Variants in SLCO5A1 observed in about 807,000 individuals in gnomAD.
SLCO5A1 encodes solute carrier organic anion transporter family member 5A1.
A neutral mutation model predicts 65.1 loss-of-function variants in SLCO5A1; 39 were observed. The ratio of observed to expected loss-of-function variants is 0.60; its 90% confidence interval spans 0.46 to 0.78. The LOEUF is 0.78. SLCO5A1 is among the 30% of genes least tolerant of loss of function. SLCO5A1 has a pLI of 0.00. For synonymous variants in SLCO5A1, 438 were observed against 415.7 expected (o/e 1.05, Z -0.65); for missense variants, 1,029 against 1,069.4 (o/e 0.96, Z 0.53).
intron 6 of SLCO5A1, among the ~76,000 whole-genome samples, chr8:69,682,930 T>C (rs1813845138): frequency 6.6e-6 from 1 of 152,180 alleles, no homozygotes. Flanking sequence ...ACATTGCTAG[T>C]TTGATTTAAA....
intron 2 of SLCO5A1, among the ~76,000 whole-genome samples, chr8:69,825,418 A>C (rs1820834056): frequency 6.6e-6 from 1 of 152,218 alleles, no homozygotes; most frequent in Non-Finnish European, 1.5e-5. Context: ...GCTGATAAGT[A>C]ACTTCAGCAA....
chr8:69,709,347 A>T (rs543352634), intron 5 of SLCO5A1, among the ~76,000 whole-genome samples: 1 of 152,306 alleles, frequency 6.6e-6, no homozygotes, highest in African/African-American at 2.4e-5. Flanking sequence ...GATCCTTGAG[A>T]AGTCAGGATA....
intron 6 of SLCO5A1, among the ~76,000 whole-genome samples, chr8:69,684,812 C>A (rs573652902): frequency 6.6e-6 from 1 of 152,076 alleles, no homozygotes; most frequent in East Asian, 1.9e-4. Context: ...CTCCTCCTAG[C>A]TGAGACCCAA....
intron 2 of SLCO5A1, among the ~76,000 whole-genome samples, chr8:69,791,983 G>T (rs1819290233): frequency 1.3e-5 from 2 of 152,256 alleles, no homozygotes; most frequent in Non-Finnish European, 1.5e-5. Flanking sequence ...TAAATAAAAT[G>T]AAGTATTTTT....
intron 2 of SLCO5A1, among the ~76,000 whole-genome samples, chr8:69,820,165 G>T (rs991158657): frequency 6.6e-6 from 1 of 152,162 alleles, no homozygotes; most frequent in African/African-American, 2.4e-5. Context: ...AGGTGACTCC[G>T]TTTGGCCAAT....
intron 5 of SLCO5A1, among the ~76,000 whole-genome samples, chr8:69,721,543 A>G (rs948476069): frequency 6.6e-6 from 1 of 152,218 alleles, no homozygotes; most frequent in African/African-American, 2.4e-5. Context: ...TTCTAGATTT[A>G]TATGAGGCTA....
intron 2 of SLCO5A1, among the ~76,000 whole-genome samples, chr8:69,827,292 T>G (rs1040940680): frequency 6.6e-6 from 1 of 152,082 alleles, no homozygotes; most frequent in African/African-American, 2.4e-5. Context: ...AAACTTAAAG[T>G]ATAATAATAT....
In SLCO5A1 at chr8:69,832,267, A is replaced by C. The variant is rs749953748; in HGVS notation, c.407T>G (p.Phe136Cys). Reference sequence around the variant, plus strand: ...CATTAACGCCTGGATGAAGGTCAGAAAGCACATGCACACCAGGAAGCAACG... The same window carrying C: ...CATTAACGCCTGGATGAAGGTCAGACAGCACATGCACACCAGGAAGCAACG... ...DSRCFLVCMC[F>C]LTFIQALMVS... is the part of the protein sequence containing the mutation. Residue 136 changes from phenylalanine (F) to cysteine (C), a missense_variant, in exon 2 of 10, where the codon TTT becomes TGT. Phe to Cys is a radical substitution (Grantham distance 205). This residue lies in a region of SLCO5A1 where 647 missense variants were observed against 647.5 expected (regional missense o/e 1.00). Transcript: ENST00000260126. This position sits in a 1 kb window ranked among gnomAD's most constrained non-coding sequence, Gnocchi z 4.5. The C allele has an allele frequency of 3.1e-6, 5 of 1,614,148 alleles. No individual in the cohort carries two copies. The highest frequency in any genetic ancestry group is 4.2e-6 in the Non-Finnish European group (5 of 1,180,016).
At position 69,757,973 on chromosome 8, in the gene SLCO5A1, A is replaced by G. The variant is rs1415245617; in HGVS notation, c.1041-2332T>C. Reference sequence around the variant, plus strand: ...CCTGGGTTTGTATCCTGTCTTTACCACTTGCTTACTATAGGATCCTGTGAA... The same window carrying G: ...CCTGGGTTTGTATCCTGTCTTTACCGCTTGCTTACTATAGGATCCTGTGAA... On this transcript the variant is annotated intron_variant, in intron 3 of 9. Transcript: ENST00000260126. Among the ~76,000 whole-genome samples, 14 of 152,176 alleles carry G rather than the reference A, an allele frequency of 9.2e-5. 1 individual carries two copies. The South Asian group carries it at 2.7e-3, about 29-fold the overall frequency.
intron 2 of SLCO5A1, among the ~76,000 whole-genome samples, chr8:69,800,245 A>ATTT (rs749384852): frequency 0.018 from 1,465 of 81,304 alleles, 165 homozygotes; most frequent in African/African-American, 0.063. Flanking sequence ...AGACGCTTGA[A>ATTT]TTTTTTTTTT....
At chr8:69,782,183 G>A (rs1039588455) in intron 2 of SLCO5A1, among the ~76,000 whole-genome samples, 53 of 151,866 alleles carry the variant, frequency 3.5e-4, no homozygotes, top group Admixed American at 2.4e-3. Context: ...GTATATCTAC[G>A]TAACAAACCT....
chr8:69,832,737 G>A lies in SLCO5A1; in HGVS notation c.-64C>T. On this transcript the variant is annotated 5_prime_UTR_variant, in exon 2 of 10. Coordinates refer to ENST00000260126, the MANE Select transcript of SLCO5A1 (RefSeq NM_030958.3). This position sits in a 1 kb window ranked among gnomAD's most constrained non-coding sequence, Gnocchi z 4.5. ...AGCACTCCGGCACGTTTCATCCACC[G>A]GCACGAGGGGCCGAAGCCGGGCCCA... The A allele has an allele frequency of 6.6e-7, 1 of 1,511,110 alleles. No individual in the cohort carries two copies. Among genetic ancestry groups the A allele is most frequent in the Middle Eastern group, 2.3e-4 (1 of 4,334 alleles). The allele number at this position is 1,511,110 out of a possible 1,614,324, so 93.6% of individuals were successfully genotyped here.
chr8:69,781,244 G>A (rs1439788186), intron 2 of SLCO5A1, among the ~76,000 whole-genome samples: 1 of 152,218 alleles, frequency 6.6e-6, no homozygotes, highest in Admixed American at 6.5e-5. Flanking sequence ...CAGGCTCAGA[G>A]CAACACCAAA....
chr8:69,735,678 G>A (rs1816523336), intron 5 of SLCO5A1, among the ~76,000 whole-genome samples: 1 of 152,044 alleles, frequency 6.6e-6, no homozygotes, highest in Admixed American at 6.6e-5. Context: ...TGGGATTGAG[G>A]GGAGAAAGAG....
At chr8:69,807,071 A>G (rs1397884287) in intron 2 of SLCO5A1, among the ~76,000 whole-genome samples, 1 of 152,254 alleles carries the variant, frequency 6.6e-6, no homozygotes, top group African/African-American at 2.4e-5. Flanking sequence ...TGGAGGCATC[A>G]TATTACCCAA....
chr8:69,776,191 A>G (rs1358782519), intron 2 of SLCO5A1, among the ~76,000 whole-genome samples: 1 of 152,186 alleles, frequency 6.6e-6, no homozygotes, highest in Non-Finnish European at 1.5e-5. Context: ...CCATATATAT[A>G]TCATGGTAAC....
In SLCO5A1 at chr8:69,667,497, A is replaced by G. The variant is rs1332184415; in HGVS notation, c.*5372T>C. The G allele has an allele frequency of 2.0e-5, 3 of 152,270 alleles. No homozygotes were observed. The highest frequency in any genetic ancestry group is 6.5e-5 in the Admixed American group (1 of 15,302). The allele number at this position is 152,270 out of a possible 1,614,324, so 9.4% of individuals were successfully genotyped here. Reference sequence around the variant, plus strand: ...TACTCTTACCAATTATCAATTACCAATTGCCAATAATCGGTACTAGTCTTA... The same window carrying G: ...TACTCTTACCAATTATCAATTACCAGTTGCCAATAATCGGTACTAGTCTTA... On this transcript the variant is annotated 3_prime_UTR_variant, in exon 10 of 10. Transcript: ENST00000260126.
chr8:69,762,006 G>T, intron 2 of SLCO5A1, 131 bp from the exon 3 acceptor site: 1 of 1,083,120 alleles, frequency 9.2e-7, no homozygotes, highest in Non-Finnish European at 1.3e-6. Context: ...GGAGACCTTT[G>T]GAGATTTGTG....
At chr8:69,808,738 C>A (rs575828640) in intron 2 of SLCO5A1, among the ~76,000 whole-genome samples, 1 of 152,094 alleles carries the variant, frequency 6.6e-6, no homozygotes, top group Non-Finnish European at 1.5e-5. Flanking sequence ...TTTAAAGAAT[C>A]GCCATGATGT....
Sources: gnomAD v4.1 joint callset for allele counts (sites outside exome capture counted in the v4.1 genomes callset) on GRCh38, gnomAD v4.1.1 for gene constraint, gnomAD v4.1.1 regional missense constraint, Gnocchi (gnomAD v3.1) non-coding constraint, MANE v1.5 for transcripts, NCBI Gene and HGNC (gene_info 2026-07-23, HGNC 2026-07-21) for gene names.